ORM1: variants seen among roughly 807,000 people sequenced by gnomAD.
ORM1 encodes the protein orosomucoid 1, also known as alpha-1-acid glycoprotein 1.
A neutral mutation model predicts 26.9 loss-of-function variants in ORM1; 13 were observed. The observed-to-expected ratio is 0.48, with a 90% CI of 0.31 to 0.77. The LOEUF is 0.77. Ranked by LOEUF, ORM1 falls within the 30% of genes least tolerant of loss-of-function variation. ORM1 has a pLI of 0.04. For missense variants in ORM1, 189 were observed against 246.8 expected, an observed-to-expected ratio of 0.77 and a Z score of 1.57; for synonymous variants, 76 against 102.2, an observed-to-expected ratio of 0.74 and a Z score of 1.55.
rs1422478362 is a variant in ORM1 at position 114,323,430 on chromosome 9, A to G, written c.114+183A>G. On this transcript the variant is annotated intron_variant, in intron 1 of 5. Coordinates refer to ENST00000259396, the MANE Select transcript of ORM1 (RefSeq NM_000607.4). ...CTGGAGGCACCCCCTGCCTCCAAACACAGAAGCCTCACTGCAGAGTCCTTC... is the reference window on the plus strand; with the variant it reads ...CTGGAGGCACCCCCTGCCTCCAAACGCAGAAGCCTCACTGCAGAGTCCTTC... The G allele has an allele frequency of 1.5e-5, 12 of 824,326 alleles. No homozygotes were observed. The African/African-American group carries it at 1.9e-4, about 13-fold the overall frequency. The allele number at this position is 824,326 out of a possible 1,614,324, so 51.1% of individuals were successfully genotyped here.
Position 114,323,644 on chromosome 9 carries a change from G to C in ORM1, c.115-19G>C, listed in dbSNP as rs1165948988. On this transcript the variant is annotated intron_variant, in intron 1 of 5. Transcript: ENST00000259396. ...ATTCAGCATCAAGCCCCCATCACCA[G>C]CTCCCACCTTCTCCCCAGATCACTG... The C allele has an allele frequency of 6.2e-7, 1 of 1,614,002 alleles. No homozygotes were observed. Among genetic ancestry groups the C allele is most frequent in the Non-Finnish European group, 8.5e-7 (1 of 1,179,868 alleles).
At position 114,326,053 on chromosome 9, in the gene ORM1, T is replaced by C. The variant is rs1234705168; in HGVS notation, c.541-239T>C. ...GGCTCGGCAGGTCCTAAGTGCACAG[T>C]AAATGCCAGTGATTCTTAAGAGTCT... On this transcript the variant is annotated intron_variant, in intron 5 of 5. Coordinates refer to ENST00000259396, the MANE Select transcript of ORM1 (RefSeq NM_000607.4). 1.3e-5 allele frequency among the ~76,000 whole-genome samples: 2 copies of C among 150,090 alleles called. 1 individual carries two copies. Among genetic ancestry groups the C allele is most frequent in the African/African-American group, 5.1e-5 (2 of 39,454 alleles).
intron 3 of ORM1, among the ~76,000 whole-genome samples, 167 bp from the exon 4 acceptor site, chr9:114,324,623 G>A (rs1186437912): frequency 3.3e-5 from 5 of 152,188 alleles, no homozygotes; most frequent in East Asian, 1.9e-4. Context: ...AGTGCTTGGC[G>A]TGGAGCTGGG....
intron 3 of ORM1, 129 bp downstream of exon 3, chr9:114,324,217 A>T (rs530613190): frequency 2.3e-4 from 207 of 888,416 alleles, no homozygotes; most frequent in African/African-American, 3.5e-4. Flanking sequence ...TTTGAGCTCT[A>T]ACGATGTGCT....
intron 3 of ORM1, among the ~76,000 whole-genome samples, 154 bp from the exon 4 acceptor site, chr9:114,324,636 T>G (rs114725877): frequency 6.6e-6 from 1 of 152,128 alleles, no homozygotes; most frequent in Non-Finnish European, 1.5e-5. Flanking sequence ...GAGCTGGGCA[T>G]GCAGCAGGGG....
Position 114,323,341 on chromosome 9 carries a change from C to A in ORM1, c.114+94C>A, listed in dbSNP as rs769904265. 10 of 1,607,658 alleles carry A rather than the reference C, an allele frequency of 6.2e-6. No homozygotes were observed. The East Asian group carries it at 2.0e-4, about 32-fold the overall frequency. ...CCTGCTGGCTGTGGTCGGACCCCCA[C>A]TCCCGGCTCTGCCTTTTTCTCTTCT... is the stretch of plus-strand genomic sequence containing the variant. On this transcript the variant is annotated intron_variant, in intron 1 of 5. Coordinates refer to ENST00000259396, the MANE Select transcript of ORM1 (RefSeq NM_000607.4).
In ORM1 at chr9:114,324,800, A is replaced by G; in HGVS notation, c.339A>G (p.Gln113=). 6.2e-7 allele frequency: 1 copy of G among 1,613,832 alleles called. No individual in the cohort carries two copies. Among genetic ancestry groups the G allele is most frequent in the Non-Finnish European group, 8.5e-7 (1 of 1,179,718 alleles). The change falls in exon 4 of 6, where the codon CAA becomes CAG. Residue 113 remains glutamine (Q), a synonymous_variant. Coordinates refer to ENST00000259396, the MANE Select transcript of ORM1 (RefSeq NM_000607.4). Reference sequence around the variant, plus strand: ...CCTTTTCTCTTCCAGTGGGAGGCCAAGAGCATTTCGCTCACTTGCTGATCC... The same window carrying G: ...CCTTTTCTCTTCCAGTGGGAGGCCAGGAGCATTTCGCTCACTTGCTGATCC... ...NGTISRYVGG[Q]EHFAHLLILR... is the part of the protein sequence containing the mutation.
At chr9:114,323,410 G>A (rs1829715905) in intron 1 of ORM1, 163 bp downstream of exon 1, 1 of 847,922 alleles carries the variant, frequency 1.2e-6, no homozygotes, top group African/African-American at 1.7e-5. Context: ...GGACTCTGGA[G>A]GCACCCCCTG....
intron 2 of ORM1, 55 bp from the exon 3 acceptor site, chr9:114,323,963 T>G: frequency 6.2e-7 from 1 of 1,604,980 alleles, no homozygotes; most frequent in South Asian, 1.1e-5. Context: ...TGATGGGCGA[T>G]TGGCCACTTC....
chr9:114,323,594 G>C (rs1829718910), intron 1 of ORM1, 69 bp from the exon 2 acceptor site: 1 of 1,611,602 alleles, frequency 6.2e-7, no homozygotes, highest in Non-Finnish European at 8.5e-7. Flanking sequence ...ATCTGCCTGA[G>C]TCTCCTCCCA....
chr9:114,323,211 A>G lies in ORM1; in HGVS notation c.78A>G (p.Leu26=), dbSNP rs770247606. ...LEAQIPLCAN[L]VPVPITNATL... ...CCCAGATCCCATTGTGTGCCAACCT[A>G]GTACCGGTGCCCATCACCAACGCCA... The change falls in exon 1 of 6, where the codon CTA becomes CTG. Residue 26 remains leucine (L), a synonymous_variant. Coordinates refer to ENST00000259396, the MANE Select transcript of ORM1 (RefSeq NM_000607.4). 7 of 1,595,996 alleles carry G rather than the reference A, an allele frequency of 4.4e-6. No individual in the cohort carries two copies. Among genetic ancestry groups the G allele is most frequent in the African/African-American group, 2.7e-5 (2 of 73,304 alleles).
At position 114,323,167 on chromosome 9, in the gene ORM1, C is replaced by T. The variant is rs1777042528; in HGVS notation, c.34C>T (p.Leu12Phe). Reference sequence around the variant, plus strand: ...GTCCTGGGTTCTTACAGTCCTGAGCCTCCTACCTCTGCTGGAAGCCCAGAT... The same window carrying T: ...GTCCTGGGTTCTTACAGTCCTGAGCTTCCTACCTCTGCTGGAAGCCCAGAT... ...ALSWVLTVLS[L>F]LPLLEAQIPL... Residue 12 changes from leucine to phenylalanine, a missense_variant, in exon 1 of 6, where the codon CTC becomes TTC. Around this residue, in one of 3 missense-constraint regions of ORM1, gnomAD observed 20 missense variants for 64.2 expected, o/e 0.31. Transcript: ENST00000259396. The T allele has an allele frequency of 1.3e-6, 2 of 1,538,662 alleles. No homozygotes were observed. Among genetic ancestry groups the T allele is most frequent in the African/African-American group, 1.4e-5 (1 of 69,012 alleles).
chr9:114,323,735 C>A lies in ORM1; in HGVS notation c.187C>A (p.Gln63Lys). 1 of 1,613,982 alleles carries A rather than the reference C, an allele frequency of 6.2e-7. No individual in the cohort carries two copies. The change falls in exon 2 of 6, where the codon CAA becomes AAA. Residue 63 changes from glutamine (Q) to lysine (K), a missense_variant. By Grantham distance (53) the Gln-to-Lys change is moderately conservative. Transcript: ENST00000259396. ...GTACAATAAGTCGGTTCAGGAGATC[C>A]AAGCAACCTTCTTTTACTTCACCCC... is the stretch of plus-strand genomic sequence containing the variant. Reference protein sequence around the residue: ...EEYNKSVQEIQATFFYFTPNK... With the variant: ...EEYNKSVQEIKATFFYFTPNK...
At position 114,324,322 on chromosome 9, in the gene ORM1, TTAGAAC is replaced by T. The variant is rs536264118; in HGVS notation, c.328+240_328+245del. Among the ~76,000 whole-genome samples, 348 of 152,250 alleles carry T rather than the reference TTAGAAC, an allele frequency of 2.3e-3. 4 individuals are homozygous for T. The highest frequency in any genetic ancestry group is 3.6e-3 in the Non-Finnish European group (245 of 67,978). On this transcript the variant is annotated intron_variant, in intron 3 of 5. Coordinates refer to ENST00000259396, the MANE Select transcript of ORM1 (RefSeq NM_000607.4). ...TTCCCCAAGGTCACACAGCTTATAA[TTAGAAC>T]TAGAATTGGAACTCCAGGCTGGCTT... is the stretch of plus-strand genomic sequence containing the variant.
rs752798229 is a variant in ORM1, at chr9:114,325,065, G to A, written c.453G>A (p.Thr151=). Residue 151 remains threonine (T), a synonymous_variant, in exon 5 of 6, where the codon ACG becomes ACA. Transcript: ENST00000259396. ...GLSVYADKPE[T]TKEQLGEFYE... is the part of the protein sequence containing the mutation. ...CCCCTGCAGCTGACAAGCCAGAGAC[G>A]ACCAAGGAGCAACTGGGAGAGTTCT... The A allele has an allele frequency of 1.4e-4, 224 of 1,613,814 alleles. No homozygotes were observed. The highest frequency in any genetic ancestry group is 1.8e-4 in the Non-Finnish European group (211 of 1,179,880).
chr9:114,323,575 CAG>C (rs1485801484), intron 1 of ORM1, 86 bp from the exon 2 acceptor site: 1 of 1,586,798 alleles, frequency 6.3e-7, no homozygotes, highest in Non-Finnish European at 8.6e-7. Context: ...TCTGCAAAAT[CAG>C]GGAGAGATCT....
chr9:114,326,108 A>G (rs1471805314), intron 5 of ORM1, among the ~76,000 whole-genome samples, 184 bp from the exon 6 acceptor site: 1 of 150,378 alleles, frequency 6.6e-6, no homozygotes, highest in Non-Finnish European at 1.5e-5. Context: ...AAGTAAGCTG[A>G]GGTTCAGAGA....
rs939319697 is a variant in ORM1 at position 114,324,095 on chromosome 9, G to A, written c.328+7G>A. The A allele has an allele frequency of 3.7e-6, 6 of 1,613,746 alleles. No homozygotes were observed. The highest frequency in any genetic ancestry group is 5.1e-6 in the Non-Finnish European group (6 of 1,179,708). On this transcript the variant is annotated splice_region_variant and intron_variant, in intron 3 of 5. Transcript: ENST00000259396. ...GGGACCATCTCCAGATACGGTGAGG[G>A]CCAGCCCTCAGGCAGGAGGGTTCAC...
chr9:114,324,225 G>C (rs1829733114), intron 3 of ORM1, 137 bp downstream of exon 3: 2 of 842,762 alleles, frequency 2.4e-6, no homozygotes, highest in Non-Finnish European at 1.9e-6. Flanking sequence ...CTAACGATGT[G>C]CTCAGAAACA....
Sources: allele counts gnomAD v4.1 joint callset (sites outside exome capture counted in the v4.1 genomes callset), GRCh38; gene constraint gnomAD v4.1.1; regional missense constraint gnomAD v4.1.1; transcripts MANE v1.5; gene names NCBI Gene and HGNC (gene_info 2026-07-23, HGNC 2026-07-21).